OR2T12: variants seen among roughly 807,000 people sequenced by gnomAD.
OR2T12 encodes the protein olfactory receptor family 2 subfamily T member 12.
For missense variants in OR2T12, 335 were observed against 404.3 expected, an observed-to-expected ratio of 0.83 and a Z score of 1.47; for synonymous variants, 127 against 160.5, an observed-to-expected ratio of 0.79 and a Z score of 1.58.
rs1659635496 is a variant in OR2T12 at position 248,291,660 on chromosome 1, G to T, written c.*2956C>A. The T allele has an allele frequency of 6.6e-6, 1 of 152,130 alleles. No homozygotes were observed. Among genetic ancestry groups the T allele is most frequent in the African/African-American group, 2.4e-5 (1 of 41,420 alleles). The allele number at this position is 152,130 out of a possible 1,614,324, so 9.4% of individuals were successfully genotyped here. On this transcript the variant is annotated 3_prime_UTR_variant, in exon 3 of 3. Transcript: ENST00000641276. ...AATCCTAAGCAAAAAGAACAAAGCT[G>T]GTGGCATCATGCTACCTTACTTCAA...
intron 2 of OR2T12, among the ~76,000 whole-genome samples, chr1:248,297,088 C>T (rs1659739464): frequency 6.6e-6 from 1 of 152,020 alleles, no homozygotes; most frequent in Non-Finnish European, 1.5e-5. Context: ...CCAGTTTTCC[C>T]AGCACCATTT....
chr1:248,299,441 G>A (rs895456003), intron 2 of OR2T12, among the ~76,000 whole-genome samples: 1 of 151,878 alleles, frequency 6.6e-6, no homozygotes, highest in African/African-American at 2.4e-5. Context: ...GACAAAGAAG[G>A]CCATCACATA....
rs535588720 is a variant in OR2T12 at position 248,290,570 on chromosome 1, A to C, written c.*4046T>G. On this transcript the variant is annotated 3_prime_UTR_variant, in exon 3 of 3. Transcript: ENST00000641276. ...GAATGATTTAAAATCCTTTGGGTAT[A>C]TACCCAGAAATGGGATTTCTGGGTC... is the stretch of plus-strand genomic sequence containing the variant. The C allele has an allele frequency of 6.6e-6, 1 of 152,164 alleles. No individual in the cohort carries two copies. Among genetic ancestry groups the C allele is most frequent in the African/African-American group, 2.4e-5 (1 of 41,432 alleles). The allele number at this position is 152,164 out of a possible 1,614,324, so 9.4% of individuals were successfully genotyped here.
intron 2 of OR2T12, 41 bp from the exon 3 acceptor site, chr1:248,295,627 G>A: frequency 6.5e-7 from 1 of 1,539,484 alleles, no homozygotes; most frequent in Non-Finnish European, 8.7e-7. Context: ...GAAAGAAGAG[G>A]CTTTTATGGT....
Position 248,292,356 on chromosome 1 carries a change from C to G in OR2T12, c.*2260G>C, listed in dbSNP as rs920122879. 5 of 152,086 alleles carry G rather than the reference C, an allele frequency of 3.3e-5. No homozygotes were observed. Among genetic ancestry groups the G allele is most frequent in the Admixed American group, 6.5e-5 (1 of 15,270 alleles). The allele number at this position is 152,086 out of a possible 1,614,324, so 9.4% of individuals were successfully genotyped here. A position where few individuals can be genotyped will look rare whatever the true frequency, so the allele number is the denominator to read the frequency against. ...TCTACCATTCATGCTCTTGTATACT[C>G]TGTCTCTATCAGGTACTCCTTCTTT... On this transcript the variant is annotated 3_prime_UTR_variant, in exon 3 of 3. Coordinates refer to ENST00000641276, the MANE Select transcript of OR2T12 (RefSeq NM_001004692.2).
intron 2 of OR2T12, among the ~76,000 whole-genome samples, chr1:248,296,756 C>T (rs1273757339): frequency 6.6e-6 from 1 of 152,028 alleles, no homozygotes; most frequent in African/African-American, 2.4e-5. Flanking sequence ...GGATATTAGC[C>T]CTTTGTCAGA....
At chr1:248,300,934 T>C (rs1251657508) in intron 2 of OR2T12, among the ~76,000 whole-genome samples, 1 of 152,156 alleles carries the variant, frequency 6.6e-6, no homozygotes, top group East Asian at 1.9e-4. Flanking sequence ...CACTTAGACA[T>C]TTCTACCATA....
chr1:248,298,679 T>C (rs1343462724), intron 2 of OR2T12, among the ~76,000 whole-genome samples: 1 of 151,734 alleles, frequency 6.6e-6, no homozygotes, highest in East Asian at 1.9e-4. Context: ...TTTGTATTTC[T>C]GTGGGATCGG....
rs1175519835 is a variant in OR2T12, at chr1:248,294,192, A to G, written c.*424T>C. The G allele has an allele frequency of 6.2e-6, 1 of 162,110 alleles. No homozygotes were observed. Among genetic ancestry groups the G allele is most frequent in the African/African-American group, 2.4e-5 (1 of 41,516 alleles). 10.0% of individuals were successfully genotyped at this position (162,110 alleles called of 1,614,324 possible). On this transcript the variant is annotated 3_prime_UTR_variant, in exon 3 of 3. Coordinates refer to ENST00000641276, the MANE Select transcript of OR2T12 (RefSeq NM_001004692.2). ...TCTGTTCTATGTGAAATTAGGAACC[A>G]TATTTAACTTTCCATGTGTTAATTT...
At chr1:248,295,644 A>G (rs1659714295) in intron 2 of OR2T12, 58 bp from the exon 3 acceptor site, 2 of 1,528,668 alleles carry the variant, frequency 1.3e-6, no homozygotes, top group Non-Finnish European at 1.8e-6. Context: ...TGGTCTGAAT[A>G]ACTGTTTGAC....
At chr1:248,302,502 T>C (rs970439534) in intron 1 of OR2T12, among the ~76,000 whole-genome samples, 2 of 152,276 alleles carry the variant, frequency 1.3e-5, no homozygotes, top group Middle Eastern at 3.4e-3. Context: ...GGTAATATTT[T>C]AAAGCATTTT....
At chr1:248,297,355 A>C (rs1444997464) in intron 2 of OR2T12, among the ~76,000 whole-genome samples, 1 of 152,004 alleles carries the variant, frequency 6.6e-6, no homozygotes, top group African/African-American at 2.4e-5. Flanking sequence ...TTGGTTCCAT[A>C]TGAACTTTAA....
rs752323902 is a variant in OR2T12 at position 248,295,013 on chromosome 1, T to G, written c.566A>C (p.Asp189Ala). 2.5e-6 allele frequency: 4 copies of G among 1,609,704 alleles called. No homozygotes were observed. Among genetic ancestry groups the G allele is most frequent in the Non-Finnish European group, 3.4e-6 (4 of 1,179,558 alleles). Residue 189 changes from aspartate to alanine, a missense_variant, in exon 3 of 3, where the codon GAC (aspartate) becomes GCC (alanine). By Grantham distance (126) the Asp-to-Ala change is moderately radical. Coordinates refer to ENST00000641276, the MANE Select transcript of OR2T12 (RefSeq NM_001004692.2). ...CATGGCGTTTTCGAAGACTGAAGTG[T>G]CAGCACAAGCCAAACGCACCAACAC... ...APVLVRLACA[D>A]TSVFENAMYI...
chr1:248,294,758 G>C lies in OR2T12; in HGVS notation c.821C>G (p.Ala274Gly), dbSNP rs1294915295. ...TAAAGGGGTGAACATAGTATAGAAG[G>C]CTGACACAACCTTATCGTGGTTAGT... ...RSTNHDKVVSAFYTMFTPLLN... is the reference protein window; with the variant it reads ...RSTNHDKVVSGFYTMFTPLLN... The change falls in exon 3 of 3, where the codon GCC (alanine) becomes GGC (glycine). Residue 274 changes from alanine to glycine, a missense_variant. Transcript: ENST00000641276. 6 of 1,613,996 alleles carry C rather than the reference G, an allele frequency of 3.7e-6. No individual in the cohort carries two copies. The highest frequency in any genetic ancestry group is 2.2e-5 in the South Asian group (2 of 91,068).
intron 2 of OR2T12, among the ~76,000 whole-genome samples, chr1:248,298,643 G>C (rs985770049): frequency 4.0e-5 from 6 of 151,318 alleles, no homozygotes; most frequent in Non-Finnish European, 8.8e-5. Context: ...TTGCGTAGAG[G>C]TGTTTGTAGT....
chr1:248,291,816 A>G lies in OR2T12; in HGVS notation c.*2800T>C, dbSNP rs1316881073. 1 of 152,164 alleles carries G rather than the reference A, an allele frequency of 6.6e-6. No individual in the cohort carries two copies. The highest frequency in any genetic ancestry group is 1.5e-5 in the Non-Finnish European group (1 of 68,034). 9.4% of individuals were successfully genotyped at this position (152,164 alleles called of 1,614,324 possible). On this transcript the variant is annotated 3_prime_UTR_variant, in exon 3 of 3. Coordinates refer to ENST00000641276, the MANE Select transcript of OR2T12 (RefSeq NM_001004692.2). ...CATCTCTTCTTTGACAAACCTGACA[A>G]AAACAAGCAATGGGGAAAGGATTCC... is the stretch of plus-strand genomic sequence containing the variant.
chr1:248,297,355 A>T (rs1444997464), intron 2 of OR2T12, among the ~76,000 whole-genome samples: 2 of 152,004 alleles, frequency 1.3e-5, no homozygotes, highest in Non-Finnish European at 2.9e-5. Context: ...TTGGTTCCAT[A>T]TGAACTTTAA....
Position 248,291,938 on chromosome 1 carries a change from T to G in OR2T12, c.*2678A>C, listed in dbSNP as rs1478761201. ...ACTTTATACAAAAAATCACTCAAGATGAAGACTTAAACATAAAACATAAAA... is the reference window on the plus strand; with the variant it reads ...ACTTTATACAAAAAATCACTCAAGAGGAAGACTTAAACATAAAACATAAAA... On this transcript the variant is annotated 3_prime_UTR_variant, in exon 3 of 3. Transcript: ENST00000641276. 6.6e-6 allele frequency: 1 copy of G among 152,062 alleles called. No individual in the cohort carries two copies. Among genetic ancestry groups the G allele is most frequent in the Admixed American group, 6.6e-5 (1 of 15,250 alleles). The allele number at this position is 152,062 out of a possible 1,614,324, so 9.4% of individuals were successfully genotyped here.
At position 248,295,282 on chromosome 1, in the gene OR2T12, G is replaced by A; in HGVS notation, c.297C>T (p.Ile99=). Reference sequence around the variant, plus strand: ...CACCACCCAGTGTGGGGAGGAAGAAGATCTGCACACCACAGCCAGCGCGGG... The same window carrying A: ...CACCACCCAGTGTGGGGAGGAAGAAAATCTGCACACCACAGCCAGCGCGGG... ...AISRAGCGVQ[I]FFLPTLGGGE... is the part of the protein sequence containing the mutation. The change falls in exon 3 of 3, where the codon ATC becomes ATT. Residue 99 remains isoleucine (I), a synonymous_variant. Transcript: ENST00000641276. 1.2e-6 allele frequency: 2 copies of A among 1,608,690 alleles called. No individual in the cohort carries two copies. Among genetic ancestry groups the A allele is most frequent in the African/African-American group, 1.3e-5 (1 of 74,292 alleles).
Sources: allele counts gnomAD v4.1 joint callset (sites outside exome capture counted in the v4.1 genomes callset), GRCh38; gene constraint gnomAD v4.1.1; transcripts MANE v1.5; gene names NCBI Gene and HGNC (gene_info 2026-07-23, HGNC 2026-07-21).